QTMAN: variants seen among roughly 807,000 people sequenced by gnomAD.
The protein encoded by QTMAN is queuosine-tRNA mannosyltransferase.
At chr2:143,988,247 T>C in the QTMAN span, among the ~76,000 whole-genome samples, 3 of 152,120 alleles carry the variant, frequency 2.0e-5, no homozygotes, top group Non-Finnish European at 2.9e-5. Context: ...ATGACATAGG[T>C]GGTGCTGCGT....
the QTMAN span, chr2:144,179,092 A>T: frequency 2.9e-6 from 1 of 344,360 alleles, no homozygotes; most frequent in East Asian, 9.3e-5. Context: ...CAAGTCTTTC[A>T]GATTACCCTC....
the QTMAN span, among the ~76,000 whole-genome samples, chr2:144,003,946 T>A: frequency 6.6e-6 from 1 of 152,084 alleles, no homozygotes; most frequent in Non-Finnish European, 1.5e-5. Context: ...TTCATGGGCA[T>A]ATTTTTTTAT....
At chr2:144,216,122 T>G in the QTMAN span, among the ~76,000 whole-genome samples, 1 of 152,184 alleles carries the variant, frequency 6.6e-6, no homozygotes, top group African/African-American at 2.4e-5. Flanking sequence ...CTCTTATAAC[T>G]TCACACATTT....
At chr2:144,133,241 A>G in the QTMAN span, among the ~76,000 whole-genome samples, 16 of 51,846 alleles carry the variant, frequency 3.1e-4, no homozygotes, top group South Asian at 7.2e-3. Flanking sequence ...TTATATTTAT[A>G]TATAAATATA....
chr2:144,053,297 G>T, the QTMAN span, among the ~76,000 whole-genome samples: 2 of 152,232 alleles, frequency 1.3e-5, no homozygotes, highest in Non-Finnish European at 1.5e-5. Flanking sequence ...AACAAACTTT[G>T]AAAGTCACTG....
At chr2:144,273,682 A>G in the QTMAN span, among the ~76,000 whole-genome samples, 1 of 152,336 alleles carries the variant, frequency 6.6e-6, no homozygotes. Flanking sequence ...TATGACAAGG[A>G]CATAAATTAC....
At chr2:143,986,566 T>C in the QTMAN span, among the ~76,000 whole-genome samples, 1 of 152,200 alleles carries the variant, frequency 6.6e-6, no homozygotes, top group South Asian at 2.1e-4. Context: ...TGGAGCCTTT[T>C]CTAGGTATAA....
chr2:144,086,663 AT>A, the QTMAN span, among the ~76,000 whole-genome samples: 15 of 152,326 alleles, frequency 9.8e-5, 1 homozygote, highest in South Asian at 3.1e-3. Context: ...TACGAGGCTC[AT>A]TTTGAGTAAA....
chr2:143,963,258 A>G, the QTMAN span, among the ~76,000 whole-genome samples: 99 of 152,286 alleles, frequency 6.5e-4, no homozygotes, highest in Non-Finnish European at 1.2e-3. Context: ...AGATTACTGT[A>G]CTTATAATAA....
chr2:144,203,564 C>T, the QTMAN span, among the ~76,000 whole-genome samples: 5 of 151,992 alleles, frequency 3.3e-5, no homozygotes, highest in African/African-American at 1.2e-4. Flanking sequence ...CTGAATGATA[C>T]AAAGACCTCA....
the QTMAN span, among the ~76,000 whole-genome samples, chr2:144,103,852 G>A: frequency 6.6e-5 from 10 of 152,188 alleles, no homozygotes; most frequent in African/African-American, 2.4e-4. Flanking sequence ...CACTTTGGGA[G>A]GTGGAGGTGG....
chr2:143,977,379 T>C, the QTMAN span, among the ~76,000 whole-genome samples: 1 of 152,040 alleles, frequency 6.6e-6, no homozygotes, highest in African/African-American at 2.4e-5. Flanking sequence ...CCACTCCACT[T>C]CCAGGCAAGA....
the QTMAN span, among the ~76,000 whole-genome samples, chr2:143,996,057 T>C: frequency 6.6e-6 from 1 of 152,172 alleles, no homozygotes; most frequent in African/African-American, 2.4e-5. Flanking sequence ...TGGATTATAA[T>C]AGCAGCTTTC....
the QTMAN span, among the ~76,000 whole-genome samples, chr2:144,093,621 T>C: frequency 2.6e-5 from 4 of 152,204 alleles, no homozygotes; most frequent in African/African-American, 4.8e-5. Context: ...AAATTAAATA[T>C]ACTTTTTAAA....
chr2:143,993,428 T>C, the QTMAN span, among the ~76,000 whole-genome samples: 4 of 151,580 alleles, frequency 2.6e-5, no homozygotes, highest in African/African-American at 7.3e-5. Context: ...GGGGGGGACT[T>C]TGCAGATATG....
chr2:144,195,920 C>T, the QTMAN span, among the ~76,000 whole-genome samples: 2 of 152,038 alleles, frequency 1.3e-5, no homozygotes, highest in African/African-American at 2.4e-5. Flanking sequence ...TCTCTTCATT[C>T]CCATCAATTA....
chr2:144,250,751 G>GA, the QTMAN span, among the ~76,000 whole-genome samples: 1,804 of 66,502 alleles, frequency 0.027, 18 homozygotes, highest in Admixed American at 0.033. Context: ...CTTTAAGGCC[G>GA]AAAAAAAAAA....
At chr2:144,007,718 T>C in the QTMAN span, among the ~76,000 whole-genome samples, 1 of 152,084 alleles carries the variant, frequency 6.6e-6, no homozygotes, top group Non-Finnish European at 1.5e-5. Context: ...AAGTTTGAAA[T>C]TGGACTGGGC....
At chr2:144,142,935 C>T in the QTMAN span, among the ~76,000 whole-genome samples, 1 of 151,906 alleles carries the variant, frequency 6.6e-6, no homozygotes, top group Non-Finnish European at 1.5e-5. Flanking sequence ...ACTTCGAATA[C>T]TGAATTTTGA....
Sources: gnomAD v4.1 joint callset for allele counts (sites outside exome capture counted in the v4.1 genomes callset) on GRCh38, gnomAD v4.1.1 for gene constraint, MANE v1.5 for transcripts, NCBI Gene and HGNC (gene_info 2026-07-23, HGNC 2026-07-21) for gene names.